CRADD: variants seen among roughly 807,000 people sequenced by gnomAD.
The protein encoded by CRADD is CARD and death domain containing adaptor protein, also known as death domain-containing protein CRADD.
Under a neutral mutation model 15.5 loss-of-function variants are expected in CRADD, and 9 were observed. That is an observed-to-expected ratio of 0.58 (90% CI 0.35 to 1.01). The LOEUF is 1.01. Ranked by LOEUF, CRADD falls within the 50% of genes least tolerant of loss-of-function variation. The pLI is 0.02. For synonymous variants in CRADD, 118 were observed against 107.6 expected (o/e 1.10, Z -0.60); for missense variants, 227 against 250.3 (o/e 0.91, Z 0.63).
intron 2 of CRADD, among the ~76,000 whole-genome samples, chr12:93,867,388 C>CATATATATATAT (rs150901925): frequency 3.2e-4 from 17 of 52,636 alleles, no homozygotes; most frequent in African/African-American, 9.6e-4. Flanking sequence ...TTGTATTTGA[C>CATATATATATAT]ATATATATAT....
chr12:93,727,762 T>TTGC (rs926378993), intron 2 of CRADD, among the ~76,000 whole-genome samples: 1 of 152,170 alleles, frequency 6.6e-6, no homozygotes, highest in Non-Finnish European at 1.5e-5. Context: ...CCAAAGGGAT[T>TTGC]TGCTGCCATG....
chr12:93,878,006 A>G lies in CRADD; in HGVS notation c.299-16044A>G, dbSNP rs184618168. Reference sequence around the variant, plus strand: ...CTCAGAGGCCCACCCAAGGCCCCCAACATATTACCCGAGTGTTGCTACTGG... The same window carrying G: ...CTCAGAGGCCCACCCAAGGCCCCCAGCATATTACCCGAGTGTTGCTACTGG... On this transcript the variant is annotated intron_variant, in intron 2 of 2. Transcript: ENST00000548483. Among the ~76,000 whole-genome samples, 127 of 152,122 alleles carry G rather than the reference A, an allele frequency of 8.3e-4. 2 individuals carry two copies. In the East Asian group the frequency reaches 0.017, roughly 20 times the overall value.
intron 2 of CRADD, among the ~76,000 whole-genome samples, chr12:93,784,693 C>T (rs550354817): frequency 7.2e-5 from 11 of 152,048 alleles, no homozygotes; most frequent in South Asian, 2.1e-4. Context: ...AATCTCTGGC[C>T]GAGTTGATAT....
At chr12:93,687,339 G>A (rs768773961) in intron 2 of CRADD, among the ~76,000 whole-genome samples, 16 of 152,172 alleles carry the variant, frequency 1.1e-4, no homozygotes, top group Non-Finnish European at 1.5e-5. Flanking sequence ...ATCAGACACT[G>A]TATTGAACAT....
intron 2 of CRADD, among the ~76,000 whole-genome samples, chr12:93,847,904 G>A (rs1399489143): frequency 6.6e-6 from 1 of 152,222 alleles, no homozygotes; most frequent in African/African-American, 2.4e-5. Flanking sequence ...ACTTGTAACC[G>A]CTGGTCAGAA....
chr12:93,842,288 C>A (rs1006978322), intron 2 of CRADD, among the ~76,000 whole-genome samples: 14 of 152,180 alleles, frequency 9.2e-5, no homozygotes, highest in African/African-American at 3.4e-4. Flanking sequence ...TCACAGAACC[C>A]ACATCCAACC....
chr12:93,719,851 G>A (rs1318016715), intron 2 of CRADD, among the ~76,000 whole-genome samples: 1 of 152,018 alleles, frequency 6.6e-6, no homozygotes, highest in Non-Finnish European at 1.5e-5. Context: ...CTGTCTAGAT[G>A]CTTACTGATT....
chr12:93,848,464 C>A (rs1194877967), intron 2 of CRADD, among the ~76,000 whole-genome samples: 3 of 152,192 alleles, frequency 2.0e-5, no homozygotes, highest in Non-Finnish European at 4.4e-5. Context: ...AGTAGACTGA[C>A]CTGAATCCCT....
rs1042696008 is a variant in CRADD, at chr12:93,850,164, A to G, written c.493A>G (p.Ile165Val). Reference sequence around the variant, plus strand: ...GCAGTCGCAGGTGGTGGAGGCCTTCATCCGTTGGCGGCAGCGCTTCGGGAA... The same window carrying G: ...GCAGTCGCAGGTGGTGGAGGCCTTCGTCCGTTGGCGGCAGCGCTTCGGGAA... ...NVQSQVVEAF[I>V]RWRQRFGKQA... Residue 165 changes from isoleucine to valine, a missense_variant, in exon 3 of 3, where the codon ATC (isoleucine) becomes GTC (valine). Ile to Val is a conservative substitution (Grantham distance 29, BLOSUM62 3). Transcript: ENST00000332896. This position sits in a 1 kb window ranked among gnomAD's most constrained non-coding sequence, Gnocchi z 4.0. 3 of 1,613,914 alleles carry G rather than the reference A, an allele frequency of 1.9e-6. No individual in the cohort carries two copies. The highest frequency in any genetic ancestry group is 1.3e-5 in the African/African-American group (1 of 75,058).
chr12:93,841,962 T>G (rs895034579), intron 2 of CRADD, among the ~76,000 whole-genome samples: 2 of 152,100 alleles, frequency 1.3e-5, no homozygotes, highest in Admixed American at 1.3e-4. Flanking sequence ...TTTTTAAAAG[T>G]GCTACCCCAT....
At chr12:93,782,399 G>A (rs1957221233) in intron 2 of CRADD, among the ~76,000 whole-genome samples, 1 of 151,702 alleles carries the variant, frequency 6.6e-6, no homozygotes, top group Admixed American at 6.6e-5. Context: ...GCTAAATGAG[G>A]AGTTAATGGG....
rs11107152 is a variant in CRADD, at chr12:93,685,006, C to T, written c.298+5934C>T. ...GCTCGTAGCATGACTTTAGTTGATA[C>T]GTGGATGTGGGATTAAGTAATATTG... On this transcript the variant is annotated intron_variant, in intron 2 of 2. Transcript: ENST00000332896. 9.3e-3 allele frequency among the ~76,000 whole-genome samples: 1,420 copies of T among 152,146 alleles called. 16 individuals carry two copies. Among genetic ancestry groups the T allele is most frequent in the African/African-American group, 0.033 (1,357 of 41,492 alleles).
chr12:93,865,596 T>A (rs1003278616), intron 2 of CRADD, among the ~76,000 whole-genome samples: 3 of 152,054 alleles, frequency 2.0e-5, no homozygotes, highest in East Asian at 3.9e-4. Context: ...TTTTTAAAAA[T>A]TTTTTGTAGA....
intron 2 of CRADD, among the ~76,000 whole-genome samples, chr12:93,836,419 A>G (rs1957973587): frequency 2.6e-5 from 4 of 152,154 alleles, no homozygotes; most frequent in Admixed American, 2.0e-4. Context: ...TCACTCTGCC[A>G]TATTTACCCA....
intron 2 of CRADD, among the ~76,000 whole-genome samples, chr12:93,798,041 T>C (rs987596184): frequency 4.6e-5 from 7 of 152,218 alleles, no homozygotes; most frequent in African/African-American, 1.7e-4. Flanking sequence ...TCTTTCCACA[T>C]CATTTAAGCC....
At chr12:93,884,189 A>G (rs1958520753) in intron 2 of CRADD, among the ~76,000 whole-genome samples, 1 of 152,244 alleles carries the variant, frequency 6.6e-6, no homozygotes, top group Non-Finnish European at 1.5e-5. Flanking sequence ...GACATAAGTC[A>G]AATAACAAAG....
intron 2 of CRADD, among the ~76,000 whole-genome samples, chr12:93,683,428 T>C (rs922285243): frequency 1.3e-5 from 2 of 152,276 alleles, no homozygotes; most frequent in African/African-American, 2.4e-5. Flanking sequence ...AACAGAGCTC[T>C]GGGAACACAG....
intron 2 of CRADD, among the ~76,000 whole-genome samples, chr12:93,888,289 G>A (rs12319296): frequency 0.058 from 8,769 of 151,682 alleles, 824 homozygotes; most frequent in African/African-American, 0.2. Flanking sequence ...AGCGGGCATG[G>A]TGGTGGGCGC....
At chr12:93,815,260 C>T (rs559830658) in intron 2 of CRADD, 1 of 152,164 alleles carries the variant, frequency 6.6e-6, no homozygotes, top group Non-Finnish European at 1.5e-5. Flanking sequence ...TAAGATTGTA[C>T]TTTATTTTGC....
Sources: gnomAD v4.1 joint callset for allele counts (sites outside exome capture counted in the v4.1 genomes callset) on GRCh38, gnomAD v4.1.1 for gene constraint, Gnocchi (gnomAD v3.1) non-coding constraint, MANE v1.5 for transcripts, NCBI Gene and HGNC (gene_info 2026-07-23, HGNC 2026-07-21) for gene names.